The following HIVEP1 variants were observed in gnomAD, a reference collection of about 807,000 sequenced individuals.
The protein encoded by HIVEP1 is HIVEP zinc finger 1.
In HIVEP1, 36 loss-of-function variants were observed where a neutral mutation model predicts 180.0. The ratio of observed to expected loss-of-function variants is 0.20; its 90% CI spans 0.15 to 0.26. The LOEUF (loss-of-function observed/expected upper bound fraction) is 0.26, where lower values mean the gene tolerates loss of function less well. HIVEP1 is among the 10% of genes least tolerant of loss of function. The pLI is 1.00. For synonymous variants in HIVEP1, 1,239 were observed against 1,239.0 expected (o/e 1.00, Z 0.00); for missense variants, 3,143 against 3,268.7 (o/e 0.96, Z 0.94).
intron 2 of HIVEP1, among the ~76,000 whole-genome samples, chr6:12,085,705 G>A (rs1312200503): frequency 6.6e-6 from 1 of 152,098 alleles, no homozygotes; most frequent in African/African-American, 2.4e-5. Context: ...TGGGGAATGA[G>A]AGGCAGGCCT....
the HIVEP1 span, among the ~76,000 whole-genome samples, chr6:12,199,360 C>CTTTTTT: frequency 7.2e-3 from 789 of 109,336 alleles, 18 homozygotes; most frequent in African/African-American, 0.019. Flanking sequence ...ACTGTCAATC[C>CTTTTTT]TTTTTTTTTT....
Position 12,071,322 on chromosome 6 carries a change from C to T in HIVEP1, c.41-17862C>T, listed in dbSNP as rs137928818. Among the ~76,000 whole-genome samples, 109 of 152,318 alleles carry T rather than the reference C, an allele frequency of 7.2e-4. 3 individuals carry two copies. In the East Asian group the frequency reaches 0.02, roughly 28 times the overall value. On this transcript the variant is annotated intron_variant, in intron 2 of 8. Coordinates refer to ENST00000379388, the MANE Select transcript of HIVEP1 (RefSeq NM_002114.4). ...TGGGGGGCTGGCATTGCCATACCTC[C>T]TGCCCCCCAGCCAGAGCCCTCTGTG...
chr6:12,115,620 G>C (rs560290035), intron 3 of HIVEP1, among the ~76,000 whole-genome samples: 1 of 152,024 alleles, frequency 6.6e-6, no homozygotes, highest in East Asian at 1.9e-4. Flanking sequence ...ACAAGTGGGA[G>C]AATACAGTTT....
At chr6:12,171,211 A>T in the HIVEP1 span, among the ~76,000 whole-genome samples, 1 of 151,968 alleles carries the variant, frequency 6.6e-6, no homozygotes, top group Non-Finnish European at 1.5e-5. Context: ...GAAATACGTT[A>T]TTTATTTTTT....
intron 7 of HIVEP1, among the ~76,000 whole-genome samples, chr6:12,143,469 A>C (rs553606504): frequency 2.6e-5 from 4 of 152,224 alleles, no homozygotes; most frequent in South Asian, 4.1e-4. Flanking sequence ...CCTTTGAAAA[A>C]TGGCACAAGA....
chr6:12,150,656 G>A (rs569525238), intron 7 of HIVEP1, among the ~76,000 whole-genome samples: 1 of 152,014 alleles, frequency 6.6e-6, no homozygotes, highest in Non-Finnish European at 1.5e-5. Flanking sequence ...ATAGGCTTTA[G>A]GATTTATACT....
intron 2 of HIVEP1, among the ~76,000 whole-genome samples, chr6:12,059,731 T>A (rs1043763198): frequency 2.6e-5 from 4 of 152,164 alleles, no homozygotes; most frequent in Non-Finnish European, 5.9e-5. Flanking sequence ...GGCAGCCTCC[T>A]GGAATACTCA....
the HIVEP1 span, among the ~76,000 whole-genome samples, chr6:12,193,057 A>T: frequency 5.9e-5 from 9 of 152,196 alleles, no homozygotes; most frequent in Non-Finnish European, 7.3e-5. Context: ...TAGAGCTGTT[A>T]TAAGGCTTAC....
chr6:12,181,555 C>T, the HIVEP1 span, among the ~76,000 whole-genome samples: 1 of 151,820 alleles, frequency 6.6e-6, no homozygotes, highest in Non-Finnish European at 1.5e-5. Context: ...GGACTACAGG[C>T]GCATGCCACC....
chr6:12,096,630 T>TA (rs1047040000), intron 3 of HIVEP1, among the ~76,000 whole-genome samples: 1 of 151,404 alleles, frequency 6.6e-6, no homozygotes, highest in Non-Finnish European at 1.5e-5. Context: ...GACTCTCATT[T>TA]AAAAAAAAAT....
intron 2 of HIVEP1, chr6:12,038,228 TTATC>T (rs1209334724): frequency 2.0e-5 from 3 of 153,006 alleles, no homozygotes; most frequent in African/African-American, 7.2e-5. Flanking sequence ...ATATTACTAT[TTATC>T]AACTGTAATT....
the HIVEP1 span, among the ~76,000 whole-genome samples, chr6:12,210,682 G>A: frequency 2.0e-5 from 3 of 152,046 alleles, no homozygotes; most frequent in East Asian, 3.9e-4. Flanking sequence ...TTTGAAGGGG[G>A]GAAATGATAC....
the HIVEP1 span, among the ~76,000 whole-genome samples, chr6:12,206,763 C>T: frequency 6.6e-6 from 1 of 152,110 alleles, no homozygotes; most frequent in South Asian, 2.1e-4. Flanking sequence ...CTCAAAGAAG[C>T]CTTTGCCAAA....
the HIVEP1 span, among the ~76,000 whole-genome samples, chr6:12,188,999 T>C: frequency 1.8e-3 from 279 of 152,090 alleles, no homozygotes; most frequent in African/African-American, 6.1e-3. Context: ...TGGGCACAAC[T>C]ACAGAGTATA....
intron 2 of HIVEP1, among the ~76,000 whole-genome samples, chr6:12,041,217 C>A (rs1052844221): frequency 6.6e-6 from 1 of 151,892 alleles, no homozygotes; most frequent in Non-Finnish European, 1.5e-5. Context: ...GTCAGGAGAT[C>A]GAGACCATCC....
At position 12,121,755 on chromosome 6, in the gene HIVEP1, T is replaced by G. The variant is rs1272080686; in HGVS notation, c.1960T>G (p.Tyr654Asp). The change falls in exon 4 of 9, where the codon TAC becomes GAC. Residue 654 changes from tyrosine (Y) to aspartate (D), a missense_variant. Around this residue, in one of 12 missense-constraint regions of HIVEP1, gnomAD observed 365 missense variants for 344.4 expected, o/e 1.06. Coordinates refer to ENST00000379388, the MANE Select transcript of HIVEP1 (RefSeq NM_002114.4). This position sits in a 1 kb window ranked among gnomAD's most constrained non-coding sequence, Gnocchi z 5.3. ...AQLQRQQATD[Y>D]SQEQQGKLLS... The stretch of plus-strand genomic sequence containing the variant: ...GCTACAAAGGCAGCAGGCTACCGAT[T>G]ACTCCCAAGAGCAGCAAGGAAAGCT... The G allele has an allele frequency of 5.0e-6, 8 of 1,614,026 alleles. No homozygotes were observed. In the African/African-American group the frequency reaches 6.7e-5, roughly 13 times the overall value.
intron 2 of HIVEP1, among the ~76,000 whole-genome samples, chr6:12,032,074 CT>C (rs1444560723): frequency 1.3e-5 from 2 of 151,454 alleles, no homozygotes; most frequent in African/African-American, 4.9e-5. Context: ...TTTTAAAATA[CT>C]GTTGCAGGCA....
chr6:12,194,256 GTGGCTACCAT>G, the HIVEP1 span, among the ~76,000 whole-genome samples: 1 of 152,064 alleles, frequency 6.6e-6, no homozygotes, highest in African/African-American at 2.4e-5. Flanking sequence ...AATTGGATAT[GTGGCTACCAT>G]TGGCCAGCAC....
chr6:12,120,747 G>A lies in HIVEP1; in HGVS notation c.952G>A (p.Glu318Lys), dbSNP rs766854200. ...TGSLTNLQNQ[E>K]NAKLEQVYNI... ...ATCACTGACAAATCTGCAAAATCAA[G>A]AGAATGCCAAACTTGAACAGGTTTA... The change falls in exon 4 of 9, where the codon GAG becomes AAG. Residue 318 changes from glutamate (E) to lysine (K), a missense_variant. Transcript: ENST00000379388. 5.6e-6 allele frequency: 9 copies of A among 1,614,062 alleles called. No homozygotes were observed. In the African/African-American group the frequency reaches 9.3e-5, roughly 17 times the overall value.
Sources: gnomAD v4.1 joint callset for allele counts (sites outside exome capture counted in the v4.1 genomes callset) on GRCh38, gnomAD v4.1.1 for gene constraint, gnomAD v4.1.1 regional missense constraint, Gnocchi (gnomAD v3.1) non-coding constraint, MANE v1.5 for transcripts, NCBI Gene and HGNC (gene_info 2026-07-23, HGNC 2026-07-21) for gene names.